The following SERPINB10 variants were observed in gnomAD, a reference collection of about 807,000 sequenced individuals.
SERPINB10 encodes serpin family B member 10, also known as serpin B10.
A neutral mutation model predicts 39.1 loss-of-function variants in SERPINB10; 35 were observed. The observed-to-expected ratio is 0.90, with a 90% CI of 0.68 to 1.19. The LOEUF is 1.19. Ranked by LOEUF, SERPINB10 falls within the 50% of genes most tolerant of loss-of-function variation. The probability of loss-of-function intolerance (pLI) is 0.00; values close to 1 mark genes in which losing one functional copy is unlikely to be tolerated. For missense variants in SERPINB10, 546 were observed against 460.5 expected (o/e 1.19, Z -1.70); for synonymous variants, 190 against 158.1 (o/e 1.20, Z -1.52).
At chr18:63,930,955 G>A (rs2050217834) in intron 6 of SERPINB10, among the ~76,000 whole-genome samples, 1 of 152,218 alleles carries the variant, frequency 6.6e-6, no homozygotes, top group South Asian at 2.1e-4. Flanking sequence ...AACTATGGCT[G>A]TAATGAATGT....
At chr18:63,932,345 T>C (rs2050228874) in intron 6 of SERPINB10, among the ~76,000 whole-genome samples, 1 of 152,232 alleles carries the variant, frequency 6.6e-6, no homozygotes, top group South Asian at 2.1e-4. Flanking sequence ...TTTTCCAAAG[T>C]GGCTGTGCCA....
chr18:63,923,875 G>A (rs370183674), intron 5 of SERPINB10, among the ~76,000 whole-genome samples: 2 of 151,776 alleles, frequency 1.3e-5, no homozygotes, highest in Non-Finnish European at 2.9e-5. Flanking sequence ...TGCTCCAGCC[G>A]TGTTCATTCA....
chr18:63,916,823 A>T (rs2050106441), intron 2 of SERPINB10, among the ~76,000 whole-genome samples: 1 of 152,050 alleles, frequency 6.6e-6, no homozygotes, highest in Admixed American at 6.6e-5. Context: ...AACATGGGTC[A>T]ATGCAACCGT....
At chr18:63,921,549 G>A (rs1186872142) in intron 5 of SERPINB10, among the ~76,000 whole-genome samples, 6 of 151,368 alleles carry the variant, frequency 4.0e-5, no homozygotes, top group Non-Finnish European at 4.4e-5. Context: ...TTCTTTCTTC[G>A]CTATCTTTTA....
intron 5 of SERPINB10, among the ~76,000 whole-genome samples, chr18:63,929,534 G>A (rs2050204349): frequency 6.6e-6 from 1 of 151,886 alleles, no homozygotes; most frequent in African/African-American, 2.4e-5. Flanking sequence ...CCCAGAGGTA[G>A]TGCTAAGAGA....
chr18:63,920,940 T>C (rs2050142421), intron 5 of SERPINB10, among the ~76,000 whole-genome samples: 1 of 151,988 alleles, frequency 6.6e-6, no homozygotes, highest in Non-Finnish European at 1.5e-5. Flanking sequence ...ATTGTTATCC[T>C]TATTTTAGAA....
At chr18:63,916,189 A>G (rs767065430) in intron 2 of SERPINB10, among the ~76,000 whole-genome samples, 3 of 152,016 alleles carry the variant, frequency 2.0e-5, no homozygotes, top group Non-Finnish European at 4.4e-5. Flanking sequence ...ATACTATTAT[A>G]TACAGAACTA....
In SERPINB10 at chr18:63,930,108, A is replaced by C. The variant is rs1192447730; in HGVS notation, c.554A>C (p.Asn185Thr). ...VDSTTRMILV[N>T]ALYFKGIWEH... ...TCCACAACCAGGATGATTCTGGTGA[A>C]CGCCCTATACTTTAAAGGAATCTGG... is the stretch of plus-strand genomic sequence containing the variant. Residue 185 changes from asparagine to threonine, a missense_variant, in exon 6 of 8, where the codon AAC becomes ACC. Coordinates refer to ENST00000238508, the MANE Select transcript of SERPINB10 (RefSeq NM_005024.3). The C allele has an allele frequency of 6.2e-7, 1 of 1,613,546 alleles. No individual in the cohort carries two copies. The highest frequency in any genetic ancestry group is 8.5e-7 in the Non-Finnish European group (1 of 1,179,638).
At chr18:63,908,215 G>C (rs1009791225) in intron 1 of SERPINB10, among the ~76,000 whole-genome samples, 175 bp downstream of exon 1, 2 of 151,978 alleles carry the variant, frequency 1.3e-5, no homozygotes, top group Non-Finnish European at 2.9e-5. Context: ...ACCTGAGCTG[G>C]TTTGAAGTTT....
rs188431105 is a variant in SERPINB10 at position 63,918,703 on chromosome 18, C to A, written c.372+601C>A. ...AATAAAGCTACCTTGTGATTTCAAG[C>A]AATGCTATCTCTGTTCAAATCTAGT... On this transcript the variant is annotated intron_variant, in intron 4 of 7. Coordinates refer to ENST00000238508, the MANE Select transcript of SERPINB10 (RefSeq NM_005024.3). Among the ~76,000 whole-genome samples the A allele has an allele frequency of 3.3e-5, 5 of 152,092 alleles. No homozygotes were observed. The East Asian group carries it at 5.8e-4, about 18-fold the overall frequency.
At chr18:63,914,919 G>C (rs1263208006) in intron 1 of SERPINB10, among the ~76,000 whole-genome samples, 6 of 152,064 alleles carry the variant, frequency 3.9e-5, no homozygotes, top group Admixed American at 6.6e-5. Flanking sequence ...TCAAATGAGT[G>C]AGAATAAAGA....
At chr18:63,932,445 G>A (rs1169009902) in intron 6 of SERPINB10, among the ~76,000 whole-genome samples, 21 of 152,078 alleles carry the variant, frequency 1.4e-4, no homozygotes. Context: ...CATTCTAGTA[G>A]CCGTGTGTAA....
intron 2 of SERPINB10, among the ~76,000 whole-genome samples, chr18:63,916,271 G>A (rs559139830): frequency 5.3e-5 from 8 of 151,044 alleles, no homozygotes; most frequent in South Asian, 2.1e-4. Context: ...TAGCAAAATA[G>A]CCATATGTGT....
At position 63,920,207 on chromosome 18, in the gene SERPINB10, T is replaced by C. The variant is rs546521831; in HGVS notation, c.490+302T>C. The stretch of plus-strand genomic sequence containing the variant: ...AAGCAGAAAAATGCAAAAAGGAAAT[T>C]GAAAATACTGCCACATGCATGGTTT... On this transcript the variant is annotated intron_variant, in intron 5 of 7. Transcript: ENST00000238508. 3.4e-4 allele frequency among the ~76,000 whole-genome samples: 52 copies of C among 151,964 alleles called. 1 individual carries two copies. The South Asian group carries it at 0.01, about 30-fold the overall frequency.
intron 1 of SERPINB10, among the ~76,000 whole-genome samples, chr18:63,915,259 C>A (rs551353877): frequency 7.9e-5 from 12 of 152,004 alleles, no homozygotes; most frequent in African/African-American, 2.7e-4. Flanking sequence ...TTTTAACTGA[C>A]CAGCATCCAT....
chr18:63,913,834 G>C (rs1475602870), intron 1 of SERPINB10, among the ~76,000 whole-genome samples: 3 of 152,010 alleles, frequency 2.0e-5, no homozygotes, highest in Non-Finnish European at 4.4e-5. Context: ...TCAATGATCT[G>C]TCTAATGCTG....
chr18:63,924,090 G>A (rs2050164299), intron 5 of SERPINB10, among the ~76,000 whole-genome samples: 1 of 151,940 alleles, frequency 6.6e-6, no homozygotes, highest in Non-Finnish European at 1.5e-5. Flanking sequence ...GCATGTTGAT[G>A]TTGGTGCTTC....
At chr18:63,923,470 T>A (rs2144730437) in intron 5 of SERPINB10, among the ~76,000 whole-genome samples, 1 of 152,020 alleles carries the variant, frequency 6.6e-6, no homozygotes, top group Admixed American at 6.6e-5. Flanking sequence ...GGTCTTCATT[T>A]TTCCTTTAGA....
Position 63,935,387 on chromosome 18 carries a change from G to C in SERPINB10, c.*145G>C. On this transcript the variant is annotated 3_prime_UTR_variant, in exon 8 of 8. Coordinates refer to ENST00000238508, the MANE Select transcript of SERPINB10 (RefSeq NM_005024.3). ...ATAAGTAAATAGATCTTGAAATAAT[G>C]CATTCTAATGATCCTGTCATATCTG... The C allele has an allele frequency of 1.3e-6, 1 of 755,524 alleles. No homozygotes were observed. Among genetic ancestry groups the C allele is most frequent in the Non-Finnish European group, 2.1e-6 (1 of 477,970 alleles). The allele number at this position is 755,524 out of a possible 1,614,324, so 46.8% of individuals were successfully genotyped here. A position where few individuals can be genotyped will look rare whatever the true frequency, so the allele number is the denominator to read the frequency against.
Sources: gnomAD v4.1 joint callset for allele counts (sites outside exome capture counted in the v4.1 genomes callset) on GRCh38, gnomAD v4.1.1 for gene constraint, MANE v1.5 for transcripts, NCBI Gene and HGNC (gene_info 2026-07-23, HGNC 2026-07-21) for gene names.